The following PRDM15 variants were observed in gnomAD, a reference collection of about 807,000 sequenced individuals.
PRDM15 encodes PR/SET domain 15.
Under a neutral mutation model 128.6 loss-of-function variants are expected in PRDM15, and 64 were observed. The ratio of observed to expected loss-of-function variants is 0.50; its 90% CI spans 0.41 to 0.61. The LOEUF is 0.61. Among genes scored for constraint, PRDM15 ranks in the 20% least tolerant of loss-of-function variants. PRDM15 has a pLI of 0.00. For missense variants in PRDM15, 1,242 were observed against 1,569.1 expected (o/e 0.79, Z 3.52); for synonymous variants, 615 against 621.8 (o/e 0.99, Z 0.16).
chr21:41,848,939 AAG>A (rs1568980643), intron 5 of PRDM15, among the ~76,000 whole-genome samples: 2 of 152,228 alleles, frequency 1.3e-5, no homozygotes, highest in Admixed American at 6.5e-5. Flanking sequence ...TATCCAACAA[AAG>A]AGAAGTGTCC....
In PRDM15 at chr21:41,849,181, G is replaced by T. The variant is rs538263942; in HGVS notation, c.539-1990C>A. 1.1e-4 allele frequency among the ~76,000 whole-genome samples: 16 copies of T among 152,364 alleles called. No homozygotes were observed. In the South Asian group the frequency reaches 3.3e-3, roughly 32 times the overall value. ...ACAGCCTGGCATTCCAGTGGGCGCG[G>T]CTGACTGCAGGGCCGCACGAGAGAA... On this transcript the variant is annotated intron_variant, in intron 5 of 23. Transcript: ENST00000398548.
intron 1 of PRDM15, chr21:41,863,229 A>C (rs1210286018): frequency 6.6e-6 from 1 of 151,728 alleles, no homozygotes; most frequent in African/African-American, 2.4e-5. Flanking sequence ...TCCTGGGAAG[A>C]CTTACCTTAC....
At chr21:41,852,813 A>G (rs566449768) in intron 5 of PRDM15, among the ~76,000 whole-genome samples, 1 of 152,140 alleles carries the variant, frequency 6.6e-6, no homozygotes. Context: ...GCTCCCCAAA[A>G]TTCACATCCA....
chr21:41,824,537 G>GGT (rs144061795), intron 13 of PRDM15, among the ~76,000 whole-genome samples: 137,047 of 152,040 alleles, frequency 0.9, 61,906 homozygotes, highest in African/African-American at 0.92. Flanking sequence ...GGCACAGATT[G>GGT]TTTGCACAAA....
chr21:41,818,741 C>A (rs1188473663), intron 18 of PRDM15, among the ~76,000 whole-genome samples: 1 of 151,840 alleles, frequency 6.6e-6, no homozygotes, highest in Non-Finnish European at 1.5e-5. Context: ...CAGCCCAAGA[C>A]AAACCTGCTG....
chr21:41,802,678 G>A (rs764769044), intron 23 of PRDM15, 34 bp downstream of exon 23: 12 of 1,579,052 alleles, frequency 7.6e-6, no homozygotes, highest in Middle Eastern at 1.7e-4. Flanking sequence ...GAAAGTGACC[G>A]GCACCTAATC....
chr21:41,818,162 G>A (rs1348944858), intron 18 of PRDM15, among the ~76,000 whole-genome samples: 1 of 152,202 alleles, frequency 6.6e-6, no homozygotes. Flanking sequence ...GGGGCATTGG[G>A]GAGGAAAGGG....
chr21:41,867,713 G>T (rs908908634), intron 1 of PRDM15, among the ~76,000 whole-genome samples: 1 of 152,228 alleles, frequency 6.6e-6, no homozygotes, highest in Admixed American at 6.5e-5. Context: ...GATTTTAAAA[G>T]ACACATGTCT....
chr21:41,826,998 G>A (rs1388362903), intron 12 of PRDM15, among the ~76,000 whole-genome samples: 1 of 152,192 alleles, frequency 6.6e-6, no homozygotes, highest in Non-Finnish European at 1.5e-5. Flanking sequence ...GCCATGTGCG[G>A]GGTCCTGTGT....
intron 1 of PRDM15, among the ~76,000 whole-genome samples, chr21:41,877,771 A>C (rs2064473857): frequency 1.3e-5 from 2 of 152,258 alleles, no homozygotes; most frequent in African/African-American, 4.8e-5. Flanking sequence ...CTTCTGGAGA[A>C]ATAACCGTCC....
In PRDM15 at chr21:41,820,184, G is replaced by C; in HGVS notation, c.2061-10C>G. The C allele has an allele frequency of 6.2e-7, 1 of 1,612,742 alleles. No homozygotes were observed. The highest frequency in any genetic ancestry group is 8.5e-7 in the Non-Finnish European group (1 of 1,179,420). ...GCAGGGGTGGATGTACCTGAAACCA[G>C]AGACAAGCTCAGGATGGCCGCACAG... On this transcript the variant is annotated splice_polypyrimidine_tract_variant and intron_variant, in intron 16 of 23. Coordinates refer to ENST00000398548, the MANE Select transcript of PRDM15 (RefSeq NM_001040424.3).
intron 1 of PRDM15, chr21:41,871,441 A>C: frequency 6.8e-7 from 1 of 1,470,738 alleles, no homozygotes; most frequent in Non-Finnish European, 9.1e-7. Flanking sequence ...TTAAAGCCAC[A>C]GGCTGTCCCT....
intron 1 of PRDM15, among the ~76,000 whole-genome samples, chr21:41,876,417 C>T (rs1359479833): frequency 6.6e-6 from 1 of 152,204 alleles, no homozygotes; most frequent in Non-Finnish European, 1.5e-5. Flanking sequence ...CCCAATGCCA[C>T]ATCCTCTTGA....
chr21:41,870,619 C>T (rs143085069), intron 1 of PRDM15: 43 of 152,348 alleles, frequency 2.8e-4, no homozygotes, highest in African/African-American at 9.6e-4. Context: ...CAGATTCCCA[C>T]TCTGGAGTCA....
intron 1 of PRDM15, among the ~76,000 whole-genome samples, chr21:41,874,517 A>ATTTTTT (rs1569031021): frequency 3.0e-5 from 2 of 66,226 alleles, no homozygotes; most frequent in African/African-American, 1.1e-4. Flanking sequence ...ATATATATAT[A>ATTTTTT]TATATATATT....
rs1162659118 is a variant in PRDM15 at position 41,828,435 on chromosome 21, CATGAGA to C, written c.1367-108_1367-103del. Reference sequence around the variant, plus strand: ...ACGTCAATAAAGCGCGGGTGACGGGCATGAGAGTCACGGGGATGCGTGGCCAGGAAG... The same window carrying C: ...ACGTCAATAAAGCGCGGGTGACGGGCGTCACGGGGATGCGTGGCCAGGAAG... On this transcript the variant is annotated intron_variant, in intron 11 of 23. Transcript: ENST00000398548. This position sits in a 1 kb window ranked among gnomAD's most constrained non-coding sequence, Gnocchi z 5.7. 4.9e-6 allele frequency: 6 copies of C among 1,214,396 alleles called. No homozygotes were observed. The highest frequency in any genetic ancestry group is 7.2e-6 in the Non-Finnish European group (6 of 836,668). 75.2% of individuals were successfully genotyped at this position (1,214,396 alleles called of 1,614,324 possible).
At chr21:41,873,179 T>C (rs2064275908) in intron 1 of PRDM15, among the ~76,000 whole-genome samples, 1 of 152,156 alleles carries the variant, frequency 6.6e-6, no homozygotes. Context: ...CCTGGTTCCT[T>C]CTCCTGCATG....
chr21:41,806,455 T>C (rs1209545561), intron 21 of PRDM15, among the ~76,000 whole-genome samples: 5 of 20,148 alleles, frequency 2.5e-4, no homozygotes, highest in South Asian at 1.5e-3. Context: ...CCACCACCCA[T>C]CACCATCACC....
intron 19 of PRDM15, 150 bp downstream of exon 19, chr21:41,815,555 C>T (rs1000601736): frequency 1.4e-5 from 15 of 1,046,292 alleles, no homozygotes; most frequent in African/African-American, 1.3e-4. Flanking sequence ...CTGCTCACCC[C>T]GGCCCCAGGA....
Sources: gnomAD v4.1 joint callset for allele counts (sites outside exome capture counted in the v4.1 genomes callset) on GRCh38, gnomAD v4.1.1 for gene constraint, Gnocchi (gnomAD v3.1) non-coding constraint, MANE v1.5 for transcripts, NCBI Gene and HGNC (gene_info 2026-07-23, HGNC 2026-07-21) for gene names.